TBC1D19: variants seen among roughly 807,000 people sequenced by gnomAD.
The protein encoded by TBC1D19 is TBC1 domain family, member 19.
In TBC1D19, 60 loss-of-function variants were observed where a neutral mutation model predicts 89.0. The ratio of observed to expected loss-of-function variants is 0.67; its 90% CI spans 0.55 to 0.84. The LOEUF is 0.84. Ranked by LOEUF, TBC1D19 falls within the 40% of genes least tolerant of loss-of-function variation. TBC1D19 has a pLI of 0.00. For missense variants in TBC1D19, 500 were observed against 610.8 expected, an observed-to-expected ratio of 0.82 and a Z score of 1.91; for synonymous variants, 189 against 199.7, an observed-to-expected ratio of 0.95 and a Z score of 0.45.
the TBC1D19 span, among the ~76,000 whole-genome samples, chr4:26,857,019 G>A: frequency 6.6e-6 from 1 of 152,060 alleles, no homozygotes; most frequent in African/African-American, 2.4e-5. Context: ...CCCAGAGAAA[G>A]CAGCAATAAA....
intron 13 of TBC1D19, among the ~76,000 whole-genome samples, chr4:26,713,533 A>G (rs1281651617): frequency 2.0e-5 from 3 of 152,102 alleles, no homozygotes; most frequent in Non-Finnish European, 4.4e-5. Flanking sequence ...AAAATAATAA[A>G]TAACAGAAAG....
intron 18 of TBC1D19, among the ~76,000 whole-genome samples, chr4:26,747,159 T>G (rs1459645662): frequency 6.6e-6 from 1 of 152,204 alleles, no homozygotes; most frequent in African/African-American, 2.4e-5. Flanking sequence ...ATACATAAAT[T>G]ATAGCACAAT....
the TBC1D19 span, among the ~76,000 whole-genome samples, chr4:26,818,020 C>T: frequency 7.4e-6 from 1 of 135,684 alleles, no homozygotes; most frequent in Non-Finnish European, 1.5e-5. Flanking sequence ...TATTCTAAGA[C>T]AAAGTCCCAG....
the TBC1D19 span, among the ~76,000 whole-genome samples, chr4:26,826,796 G>T: frequency 6.6e-6 from 1 of 152,190 alleles, no homozygotes; most frequent in African/African-American, 2.4e-5. Flanking sequence ...GTTTATAATG[G>T]TTCCGGGTGT....
chr4:26,578,297 C>T (rs1035687689), intron 1 of TBC1D19, among the ~76,000 whole-genome samples: 5 of 152,136 alleles, frequency 3.3e-5, no homozygotes, highest in African/African-American at 1.2e-4. Context: ...ATCCTAATTC[C>T]CCATCTGTGT....
chr4:26,828,186 C>A, the TBC1D19 span, among the ~76,000 whole-genome samples: 1 of 152,158 alleles, frequency 6.6e-6, no homozygotes, highest in Non-Finnish European at 1.5e-5. Context: ...AGTTTGAACA[C>A]AAGGGATGCC....
At chr4:26,638,588 A>T (rs1743282478) in intron 5 of TBC1D19, among the ~76,000 whole-genome samples, 183 bp from the exon 6 acceptor site, 1 of 152,178 alleles carries the variant, frequency 6.6e-6, no homozygotes, top group South Asian at 2.1e-4. Context: ...TTGAGACTAG[A>T]TATAACATAA....
intron 4 of TBC1D19, among the ~76,000 whole-genome samples, chr4:26,621,152 C>T (rs1418575640): frequency 1.3e-5 from 2 of 152,070 alleles, no homozygotes; most frequent in Non-Finnish European, 2.9e-5. Context: ...GATAAACCTG[C>T]TATCAAAATG....
At chr4:26,804,903 T>C in the TBC1D19 span, among the ~76,000 whole-genome samples, 1 of 152,184 alleles carries the variant, frequency 6.6e-6, no homozygotes, top group African/African-American at 2.4e-5. Context: ...AGCTGAGATA[T>C]TGGAACCGAG....
At chr4:26,790,898 G>A in the TBC1D19 span, among the ~76,000 whole-genome samples, 140,773 of 152,266 alleles carry the variant, frequency 0.92, 65,194 homozygotes, top group East Asian at 1. Context: ...AAAATAATTT[G>A]CTTATATGGG....
the TBC1D19 span, among the ~76,000 whole-genome samples, chr4:26,818,371 G>T: frequency 1.3e-5 from 2 of 152,020 alleles, no homozygotes; most frequent in East Asian, 3.9e-4. Flanking sequence ...GAAACTACAG[G>T]CATGCACCAC....
At chr4:26,607,659 A>G (rs979972932) in intron 1 of TBC1D19, among the ~76,000 whole-genome samples, 7 of 152,140 alleles carry the variant, frequency 4.6e-5, no homozygotes, top group Admixed American at 1.3e-4. Flanking sequence ...TATTTAATTA[A>G]AAAATTACAC....
intron 12 of TBC1D19, among the ~76,000 whole-genome samples, chr4:26,686,842 T>C (rs1436046977): frequency 6.6e-6 from 1 of 152,100 alleles, no homozygotes; most frequent in African/African-American, 2.4e-5. Context: ...CATCTATGAC[T>C]CTTTCCATCC....
rs1312692064 is a variant in TBC1D19 at position 26,651,986 on chromosome 4, A to T, written c.481-7611A>T. Among the ~76,000 whole-genome samples the T allele has an allele frequency of 2.0e-5, 3 of 151,848 alleles. No homozygotes were observed. The South Asian group carries it at 6.2e-4, about 32-fold the overall frequency. On this transcript the variant is annotated intron_variant, in intron 7 of 20. Coordinates refer to ENST00000264866, the MANE Select transcript of TBC1D19 (RefSeq NM_018317.4). ...TTGGGATAATCCTGTGGTTTTTGTCATTGGTTCTGTTTATATGCTGGATTA... is the reference window on the plus strand; with the variant it reads ...TTGGGATAATCCTGTGGTTTTTGTCTTTGGTTCTGTTTATATGCTGGATTA...
intron 4 of TBC1D19, among the ~76,000 whole-genome samples, chr4:26,622,004 A>C (rs1365516659): frequency 6.6e-6 from 1 of 152,108 alleles, no homozygotes; most frequent in East Asian, 1.9e-4. Flanking sequence ...CAAAAAAACC[A>C]AACACCGCAT....
intron 1 of TBC1D19, among the ~76,000 whole-genome samples, chr4:26,596,869 A>T (rs1740256546): frequency 6.6e-6 from 1 of 152,194 alleles, no homozygotes; most frequent in South Asian, 2.1e-4. Flanking sequence ...TTTGAAGTAT[A>T]TTGCTTAATT....
intron 15 of TBC1D19, among the ~76,000 whole-genome samples, chr4:26,725,064 G>T (rs1283369978): frequency 6.6e-6 from 1 of 152,136 alleles, no homozygotes; most frequent in Non-Finnish European, 1.5e-5. Context: ...TACTATATAG[G>T]TCAAAACACA....
chr4:26,733,443 TAA>T (rs1225486835), intron 15 of TBC1D19, among the ~76,000 whole-genome samples: 1 of 132,968 alleles, frequency 7.5e-6, no homozygotes. Flanking sequence ...TTAGAGAAGT[TAA>T]GAGACATATG....
intron 4 of TBC1D19, among the ~76,000 whole-genome samples, chr4:26,623,118 C>G (rs1742169025): frequency 6.6e-6 from 1 of 152,138 alleles, no homozygotes; most frequent in South Asian, 2.1e-4. Flanking sequence ...TGAAAGCTAC[C>G]TAGTTTGGAT....
Sources: allele counts gnomAD v4.1 joint callset (sites outside exome capture counted in the v4.1 genomes callset), GRCh38; gene constraint gnomAD v4.1.1; transcripts MANE v1.5; gene names NCBI Gene and HGNC (gene_info 2026-07-23, HGNC 2026-07-21).